The following KIRREL3 variants were observed in gnomAD, a reference collection of about 807,000 sequenced individuals.
KIRREL3 encodes kirre like nephrin family adhesion molecule 3.
Under a neutral mutation model 89.7 loss-of-function variants are expected in KIRREL3, and 36 were observed. The observed-to-expected ratio is 0.40, with a 90% confidence interval of 0.31 to 0.53. The LOEUF is 0.53. KIRREL3 is among the 20% of genes least tolerant of loss of function. The pLI, the probability that KIRREL3 is intolerant of heterozygous loss-of-function variation, is 0.49. For missense variants in KIRREL3, 864 were observed against 1,056.6 expected (o/e 0.82, Z 2.53); for synonymous variants, 445 against 441.4 (o/e 1.01, Z -0.10).
At position 126,515,257 on chromosome 11, in the gene KIRREL3, A is replaced by G. The variant is rs897537330; in HGVS notation, c.433+6058T>C. Among the ~76,000 whole-genome samples the G allele has an allele frequency of 6.6e-6, 1 of 152,112 alleles. No homozygotes were observed. Among genetic ancestry groups the G allele is most frequent in the Non-Finnish European group, 1.5e-5 (1 of 68,032 alleles). On this transcript the variant is annotated intron_variant, in intron 4 of 16. Coordinates refer to ENST00000525144, the MANE Select transcript of KIRREL3 (RefSeq NM_032531.4). This position sits in a 1 kb window ranked among gnomAD's most constrained non-coding sequence, Gnocchi z 4.2. The stretch of plus-strand genomic sequence containing the variant: ...AGCAACATGGCAAAACCCGGTCTCT[A>G]CAAAAACAAAACAGAACAAAACAAA...
At chr11:126,716,214 G>T (rs926433520) in intron 1 of KIRREL3, among the ~76,000 whole-genome samples, 1 of 152,150 alleles carries the variant, frequency 6.6e-6, no homozygotes, top group South Asian at 2.1e-4. Context: ...GGCGGAGGAA[G>T]AAAGAGGAAG....
At chr11:126,458,055 G>A (rs1232373304) in intron 6 of KIRREL3, among the ~76,000 whole-genome samples, 1 of 152,160 alleles carries the variant, frequency 6.6e-6, no homozygotes, top group Non-Finnish European at 1.5e-5. Context: ...GCCGAGGGAT[G>A]GGGGATAACG....
rs1380204242 is a variant in KIRREL3 at position 126,755,231 on chromosome 11, C to T, written c.56-192319G>A. On this transcript the variant is annotated intron_variant, in intron 1 of 16. Transcript: ENST00000525144. This position sits in a 1 kb window ranked among gnomAD's most constrained non-coding sequence, Gnocchi z 4.3. ...CAGAGGGAAAAAAATGTATTCCCAT[C>T]CGAGGCCCTTGCCTGCCCTCCTGTA... Among the ~76,000 whole-genome samples, 4 of 152,176 alleles carry T rather than the reference C, an allele frequency of 2.6e-5. No individual in the cohort carries two copies. Among genetic ancestry groups the T allele is most frequent in the African/African-American group, 9.7e-5 (4 of 41,434 alleles).
At chr11:126,503,251 G>A (rs1272057098) in intron 4 of KIRREL3, among the ~76,000 whole-genome samples, 2 of 152,144 alleles carry the variant, frequency 1.3e-5, no homozygotes, top group Non-Finnish European at 2.9e-5. Context: ...GTCCGAGCCT[G>A]TGGATCCTGG....
Position 126,843,368 on chromosome 11 carries a change from T to C in KIRREL3, c.55+157087A>G, listed in dbSNP as rs1944027777. 6.6e-6 allele frequency among the ~76,000 whole-genome samples: 1 copy of C among 152,048 alleles called. No individual in the cohort carries two copies. ...TCCAAGTGTAAAGGTGCATGAGAAATGCTTCCAGTGAGTGAGATTTCATGG... is the reference window on the plus strand; with the variant it reads ...TCCAAGTGTAAAGGTGCATGAGAAACGCTTCCAGTGAGTGAGATTTCATGG... On this transcript the variant is annotated intron_variant, in intron 1 of 16. Coordinates refer to ENST00000525144, the MANE Select transcript of KIRREL3 (RefSeq NM_032531.4). The surrounding 1 kb of genome is among the most constrained non-coding windows in gnomAD (Gnocchi z 4.6).
chr11:126,944,985 G>C (rs967942225), intron 1 of KIRREL3: 1 of 152,232 alleles, frequency 6.6e-6, no homozygotes, highest in African/African-American at 2.4e-5. Context: ...GGGATGAATA[G>C]CTTCAGCCTT....
chr11:126,818,224 A>T (rs1951648089), intron 1 of KIRREL3, among the ~76,000 whole-genome samples: 1 of 152,218 alleles, frequency 6.6e-6, no homozygotes, highest in Non-Finnish European at 1.5e-5. Context: ...AGCTGGGGAA[A>T]GGAAAGGCAC....
rs1225053595 is a variant in KIRREL3 at position 126,999,539 on chromosome 11, C to A, written c.55+916G>T. On this transcript the variant is annotated intron_variant, in intron 1 of 16. Coordinates refer to ENST00000525144, the MANE Select transcript of KIRREL3 (RefSeq NM_032531.4). The surrounding 1 kb of genome is among the most constrained non-coding windows in gnomAD (Gnocchi z 5.7). ...GCTGTGTTGGCTGGCACAAATGCAG[C>A]CTCAGATGGCAGAGGTGCATTGGCA... Among the ~76,000 whole-genome samples the A allele has an allele frequency of 2.6e-5, 4 of 152,210 alleles. No individual in the cohort carries two copies. Among genetic ancestry groups the A allele is most frequent in the African/African-American group, 9.6e-5 (4 of 41,456 alleles).
intron 2 of KIRREL3, among the ~76,000 whole-genome samples, chr11:126,536,342 G>A (rs1194354026): frequency 1.3e-5 from 2 of 152,156 alleles, no homozygotes. Context: ...ATCTGACTCA[G>A]AGGAGCCGTT....
At chr11:126,930,258 GA>G (rs143601598) in intron 1 of KIRREL3, among the ~76,000 whole-genome samples, 50,630 of 151,950 alleles carry the variant, frequency 0.33, 9,073 homozygotes, top group Middle Eastern at 0.54. Flanking sequence ...CTAAACCCTT[GA>G]CATGTTACTG....
At chr11:126,688,097 T>C (rs1354166827) in intron 1 of KIRREL3, among the ~76,000 whole-genome samples, 1 of 152,226 alleles carries the variant, frequency 6.6e-6, no homozygotes, top group Non-Finnish European at 1.5e-5. Flanking sequence ...TAAAATAATT[T>C]GGGCTTGAAG....
chr11:126,909,878 AT>A lies in KIRREL3; in HGVS notation c.55+90576del, dbSNP rs1040777408. On this transcript the variant is annotated intron_variant, in intron 1 of 16. Transcript: ENST00000525144. This position sits in a 1 kb window ranked among gnomAD's most constrained non-coding sequence, Gnocchi z 4.5. ...ATATGGTCTGTGATATGGATATGAT[AT>A]TTTTTTATTGCAATAATAAGTTTCT... Among the ~76,000 whole-genome samples the A allele has an allele frequency of 2.0e-5, 3 of 152,038 alleles. No homozygotes were observed. Among genetic ancestry groups the A allele is most frequent in the Non-Finnish European group, 2.9e-5 (2 of 68,006 alleles).
chr11:126,646,738 G>A, intron 1 of KIRREL3, among the ~76,000 whole-genome samples: 1 of 152,094 alleles, frequency 6.6e-6, no homozygotes, highest in East Asian at 1.9e-4. Context: ...GGCTCCCAAA[G>A]TGCTGGGATT....
chr11:126,825,289 C>T (rs140696563), intron 1 of KIRREL3, among the ~76,000 whole-genome samples: 60 of 152,172 alleles, frequency 3.9e-4, no homozygotes, highest in African/African-American at 1.2e-3. Flanking sequence ...AGCCTGGTGA[C>T]GCTATGACCC....
rs1156785069 is a variant in KIRREL3 at position 126,647,411 on chromosome 11, C to A, written c.56-84499G>T. ...GGGAGACTGAGATATATGAGGTATA[C>A]CCCTTTCCCTCTAATCAAATTCAAC... is the stretch of plus-strand genomic sequence containing the variant. On this transcript the variant is annotated intron_variant, in intron 1 of 16. Transcript: ENST00000525144. The surrounding 1 kb of genome is among the most constrained non-coding windows in gnomAD (Gnocchi z 4.9). Among the ~76,000 whole-genome samples the A allele has an allele frequency of 6.6e-6, 1 of 152,116 alleles. No homozygotes were observed. The highest frequency in any genetic ancestry group is 2.4e-5 in the African/African-American group (1 of 41,412).
chr11:126,839,669 T>G (rs1168864031), intron 1 of KIRREL3, among the ~76,000 whole-genome samples: 4 of 152,182 alleles, frequency 2.6e-5, no homozygotes. Context: ...GAGGCCATTG[T>G]GTGAAGGTCT....
At chr11:126,717,003 G>A (rs1039052491) in intron 1 of KIRREL3, among the ~76,000 whole-genome samples, 1 of 152,156 alleles carries the variant, frequency 6.6e-6, no homozygotes, top group Non-Finnish European at 1.5e-5. Context: ...ATGACCAATG[G>A]GAGGATGAAC....
At chr11:126,646,099 A>G (rs111790716) in intron 1 of KIRREL3, among the ~76,000 whole-genome samples, 2 of 152,264 alleles carry the variant, frequency 1.3e-5, no homozygotes, top group African/African-American at 4.8e-5. Context: ...TACAGCCGGC[A>G]GCTAATTAAC....
At position 126,647,414 on chromosome 11, in the gene KIRREL3, C is replaced by A. The variant is rs772728676; in HGVS notation, c.56-84502G>T. On this transcript the variant is annotated intron_variant, in intron 1 of 16. Coordinates refer to ENST00000525144, the MANE Select transcript of KIRREL3 (RefSeq NM_032531.4). This position sits in a 1 kb window ranked among gnomAD's most constrained non-coding sequence, Gnocchi z 4.9. ...AGACTGAGATATATGAGGTATACCC[C>A]TTTCCCTCTAATCAAATTCAACCCC... Among the ~76,000 whole-genome samples, 1 of 152,192 alleles carries A rather than the reference C, an allele frequency of 6.6e-6. No individual in the cohort carries two copies. Among genetic ancestry groups the A allele is most frequent in the Non-Finnish European group, 1.5e-5 (1 of 68,032 alleles).
Sources: gnomAD v4.1 joint callset for allele counts (sites outside exome capture counted in the v4.1 genomes callset) on GRCh38, gnomAD v4.1.1 for gene constraint, Gnocchi (gnomAD v3.1) non-coding constraint, MANE v1.5 for transcripts, NCBI Gene and HGNC (gene_info 2026-07-23, HGNC 2026-07-21) for gene names.